AKAP7: variants seen among roughly 807,000 people sequenced by gnomAD.
The protein encoded by AKAP7 is A kinase (PRKA) anchor protein 7.
In AKAP7, 39 loss-of-function variants were observed where a neutral mutation model predicts 39.5. That is an observed-to-expected ratio of 0.99 (90% CI 0.76 to 1.29). The LOEUF (loss-of-function observed/expected upper bound fraction) is 1.29, where lower values mean the gene tolerates loss of function less well. AKAP7 is among the 50% of genes most tolerant of loss of function. The probability of loss-of-function intolerance (pLI) is 0.00; values close to 1 mark genes in which losing one functional copy is unlikely to be tolerated. For synonymous variants in AKAP7, 140 were observed against 139.1 expected (o/e 1.01, Z -0.05); for missense variants, 414 against 407.7 (o/e 1.02, Z -0.13).
At chr6:131,270,897 T>C (rs993048528) in intron 7 of AKAP7, among the ~76,000 whole-genome samples, 1 of 152,198 alleles carries the variant, frequency 6.6e-6, no homozygotes, top group African/African-American at 2.4e-5. Context: ...TTTTCAGTTA[T>C]TTTGGCCGTT....
At chr6:131,245,411 CG>C (rs1562240615) in intron 7 of AKAP7, among the ~76,000 whole-genome samples, 1 of 127,636 alleles carries the variant, frequency 7.8e-6, no homozygotes, top group Non-Finnish European at 1.7e-5. Context: ...CGCCCAGCTA[CG>C]TTTTTTTTTT....
intron 6 of AKAP7, among the ~76,000 whole-genome samples, chr6:131,204,025 G>T (rs1807861804): frequency 6.6e-6 from 1 of 152,112 alleles, no homozygotes; most frequent in African/African-American, 2.4e-5. Flanking sequence ...CCCAACCGTG[G>T]TGTATGAGAA....
At chr6:131,143,727 G>A (rs1431355778) in intron 1 of AKAP7, among the ~76,000 whole-genome samples, 1 of 148,754 alleles carries the variant, frequency 6.7e-6, no homozygotes, top group Admixed American at 6.7e-5. Context: ...TAGCCATGTT[G>A]TAGCCATATT....
rs563630981 is a variant in AKAP7 at position 131,256,709 on chromosome 6, A to G, written c.851-24821A>G. Among the ~76,000 whole-genome samples, 58 of 42,666 alleles carry G rather than the reference A, an allele frequency of 1.4e-3. No individual in the cohort carries two copies. In the East Asian group the frequency reaches 0.021, roughly 15 times the overall value. 28.0% of individuals were successfully genotyped at this position (42,666 alleles called of 152,430 possible). Reference sequence around the variant, plus strand: ...TATCTGAATTACTCCTTCCTGGGACATTATTATTATTATTATTATTATTAT... The same window carrying G: ...TATCTGAATTACTCCTTCCTGGGACGTTATTATTATTATTATTATTATTAT... On this transcript the variant is annotated intron_variant, in intron 7 of 7. Transcript: ENST00000431975.
chr6:131,136,854 ATAC>A, intron 1 of AKAP7: 1 of 985,400 alleles, frequency 1.0e-6, no homozygotes, highest in Non-Finnish European at 1.2e-6. Flanking sequence ...TAAGATGCTA[ATAC>A]TATTTTTAGT....
chr6:131,159,116 C>T (rs993374367), intron 2 of AKAP7, among the ~76,000 whole-genome samples: 6 of 151,060 alleles, frequency 4.0e-5, no homozygotes, highest in Non-Finnish European at 7.4e-5. Context: ...ATTTTTGAGA[C>T]GGAGTCTCCC....
chr6:131,281,923 A>G lies in AKAP7; in HGVS notation c.*197A>G, dbSNP rs1336391739. 4.0e-6 allele frequency: 5 copies of G among 1,240,396 alleles called. No homozygotes were observed. The East Asian group carries it at 1.3e-4, about 32-fold the overall frequency. 76.8% of individuals were successfully genotyped at this position (1,240,396 alleles called of 1,614,324 possible). ...AGAAAAATGGAGTGCTGGGACTGGC[A>G]GAGGAAATTAATTGATGAAAGAAGA... On this transcript the variant is annotated 3_prime_UTR_variant, in exon 8 of 8. Coordinates refer to ENST00000431975, the MANE Select transcript of AKAP7 (RefSeq NM_016377.4). The surrounding 1 kb of genome is among the most constrained non-coding windows in gnomAD (Gnocchi z 4.0).
At chr6:131,185,853 G>T (rs143943370) in intron 5 of AKAP7, among the ~76,000 whole-genome samples, 1 of 152,140 alleles carries the variant, frequency 6.6e-6, no homozygotes, top group East Asian at 1.9e-4. Context: ...TACTTTTGTT[G>T]CCTGTGCTTT....
chr6:131,243,511 A>T (rs139892426), intron 7 of AKAP7, among the ~76,000 whole-genome samples: 330 of 152,290 alleles, frequency 2.2e-3, no homozygotes, highest in Non-Finnish European at 3.8e-3. Context: ...ATCTGGTATA[A>T]ATAAATTTTC....
At chr6:131,264,991 TACCTCCCACC>T (rs1278982853) in intron 7 of AKAP7, among the ~76,000 whole-genome samples, 2 of 152,134 alleles carry the variant, frequency 1.3e-5, no homozygotes, top group Non-Finnish European at 2.9e-5. Context: ...ATGATCCAAA[TACCTCCCACC>T]AGGCCCCACC....
chr6:131,162,990 C>G (rs947250281), intron 3 of AKAP7, among the ~76,000 whole-genome samples: 1 of 145,330 alleles, frequency 6.9e-6, no homozygotes, highest in African/African-American at 2.5e-5. Context: ...CACACATACA[C>G]GCTCTTTCGC....
At chr6:131,134,657 G>C (rs150039910), upstream of AKAP7, among the ~76,000 whole-genome samples, 291 of 152,318 alleles carry the variant, frequency 1.9e-3, 8 homozygotes, top group Admixed American at 0.017. Flanking sequence ...GAAACTCAAC[G>C]TGTTAGAATT....
intron 7 of AKAP7, among the ~76,000 whole-genome samples, chr6:131,256,067 C>T (rs916187941): frequency 6.6e-6 from 1 of 152,158 alleles, no homozygotes; most frequent in Admixed American, 6.5e-5. Flanking sequence ...GTTACAGTCT[C>T]CCGGGGTGCC....
intron 7 of AKAP7, among the ~76,000 whole-genome samples, chr6:131,280,777 G>T (rs533588374): frequency 6.6e-6 from 1 of 152,182 alleles, no homozygotes; most frequent in East Asian, 1.9e-4. Flanking sequence ...TGGGAAATGT[G>T]TAGCATGAGA....
At chr6:131,182,807 A>G (rs919585597) in intron 5 of AKAP7, among the ~76,000 whole-genome samples, 4 of 151,936 alleles carry the variant, frequency 2.6e-5, no homozygotes, top group African/African-American at 7.2e-5. Context: ...TATTTTTTTG[A>G]TAATGGCCCT....
intron 5 of AKAP7, among the ~76,000 whole-genome samples, chr6:131,187,080 A>G (rs1435330774): frequency 6.6e-6 from 1 of 152,176 alleles, no homozygotes; most frequent in African/African-American, 2.4e-5. Context: ...CTTCTTTATC[A>G]AGATTGTTTT....
intron 7 of AKAP7, among the ~76,000 whole-genome samples, chr6:131,259,125 A>G (rs1356556895): frequency 6.6e-6 from 1 of 152,226 alleles, no homozygotes; most frequent in Admixed American, 6.5e-5. Flanking sequence ...ATCAGGCTTC[A>G]GTTTGATGTC....
intron 7 of AKAP7, among the ~76,000 whole-genome samples, chr6:131,234,954 G>A (rs544765756): frequency 1.3e-5 from 2 of 151,400 alleles, no homozygotes; most frequent in Admixed American, 6.6e-5. Flanking sequence ...TGTGCACAAC[G>A]TGCAGGTTTG....
intron 2 of AKAP7, among the ~76,000 whole-genome samples, chr6:131,146,545 G>T (rs1301602030): frequency 6.6e-6 from 1 of 152,192 alleles, no homozygotes; most frequent in African/African-American, 2.4e-5. Flanking sequence ...AAATGTTAAA[G>T]ATTTGACTAT....
Sources: allele counts gnomAD v4.1 joint callset (sites outside exome capture counted in the v4.1 genomes callset), GRCh38; gene constraint gnomAD v4.1.1; non-coding constraint Gnocchi (gnomAD v3.1); transcripts MANE v1.5; gene names NCBI Gene and HGNC (gene_info 2026-07-23, HGNC 2026-07-21).